Variants in AGBL4 observed in about 807,000 individuals in gnomAD.
AGBL4 encodes cytosolic carboxypeptidase 6.
Under a neutral mutation model 66.4 loss-of-function variants are expected in AGBL4, and 58 were observed. The observed-to-expected ratio is 0.87, with a 90% CI of 0.71 to 1.09. The LOEUF (loss-of-function observed/expected upper bound fraction) is 1.09, where lower values mean the gene tolerates loss of function less well. AGBL4 is among the 50% of genes least tolerant of loss of function. AGBL4 has a pLI of 0.00. For missense variants in AGBL4, 579 were observed against 631.0 expected, an observed-to-expected ratio of 0.92 and a Z score of 0.88; for synonymous variants, 234 against 222.9, an observed-to-expected ratio of 1.05 and a Z score of -0.44.
chr1:49,515,689 C>T (rs1649738520), intron 3 of AGBL4, among the ~76,000 whole-genome samples: 1 of 151,576 alleles, frequency 6.6e-6, no homozygotes, highest in African/African-American at 2.4e-5. Context: ...ACATATACAC[C>T]ATGGAATACT....
intron 3 of AGBL4, among the ~76,000 whole-genome samples, chr1:49,659,236 C>T (rs1187827884): frequency 1.3e-5 from 2 of 152,074 alleles, no homozygotes; most frequent in African/African-American, 2.4e-5. Flanking sequence ...CCAATGACAT[C>T]ATGAAGAAAC....
intron 5 of AGBL4, among the ~76,000 whole-genome samples, chr1:48,971,725 T>C (rs1310170243): frequency 1.3e-5 from 2 of 152,158 alleles, no homozygotes; most frequent in African/African-American, 4.8e-5. Flanking sequence ...TTGGTAGGGA[T>C]GGTTAAAAAG....
At chr1:48,791,677 T>G (rs1361375956) in intron 6 of AGBL4, among the ~76,000 whole-genome samples, 1 of 152,246 alleles carries the variant, frequency 6.6e-6, no homozygotes, top group Non-Finnish European at 1.5e-5. Flanking sequence ...CAGATCTGAC[T>G]AAGTCACTTG....
chr1:49,004,365 G>A (rs965926122), intron 5 of AGBL4, among the ~76,000 whole-genome samples: 1 of 152,172 alleles, frequency 6.6e-6, no homozygotes, highest in East Asian at 1.9e-4. Context: ...GGTATGATAG[G>A]CATATTAAAG....
At chr1:49,872,739 AG>A in intron 1 of AGBL4, among the ~76,000 whole-genome samples, 1 of 152,134 alleles carries the variant, frequency 6.6e-6, no homozygotes, top group East Asian at 1.9e-4. Context: ...TATGCAAATA[AG>A]CCAAGTATAA....
chr1:48,873,709 A>T (rs1011981202), intron 5 of AGBL4, among the ~76,000 whole-genome samples: 2 of 152,120 alleles, frequency 1.3e-5, no homozygotes, highest in African/African-American at 4.8e-5. Context: ...CTTGTCTTCC[A>T]ATAGGCACAC....
intron 2 of AGBL4, among the ~76,000 whole-genome samples, chr1:49,707,556 G>T (rs1048416189): frequency 6.6e-6 from 1 of 151,946 alleles, no homozygotes; most frequent in African/African-American, 2.4e-5. Context: ...ATTTACATTT[G>T]AGGTTAGTAT....
intron 5 of AGBL4, among the ~76,000 whole-genome samples, chr1:48,968,872 G>T (rs1421954533): frequency 6.6e-6 from 1 of 152,094 alleles, no homozygotes; most frequent in Non-Finnish European, 1.5e-5. Flanking sequence ...GAGAAACCAG[G>T]ACTTTGATGT....
intron 3 of AGBL4, among the ~76,000 whole-genome samples, chr1:49,552,886 T>C (rs1281045935): frequency 2.0e-5 from 3 of 152,182 alleles, no homozygotes; most frequent in African/African-American, 4.8e-5. Flanking sequence ...GTATGGCTAC[T>C]CTTAGAATCA....
chr1:48,557,635 G>T (rs1161856088), intron 11 of AGBL4, among the ~76,000 whole-genome samples: 1 of 152,204 alleles, frequency 6.6e-6, no homozygotes, highest in Non-Finnish European at 1.5e-5. Flanking sequence ...CCCCCTTCTG[G>T]GTGGATTCTG....
At position 49,513,958 on chromosome 1, in the gene AGBL4, G is replaced by T. The variant is rs149838760; in HGVS notation, c.282+183355C>A. On this transcript the variant is annotated intron_variant, in intron 3 of 13. Transcript: ENST00000371839. Reference sequence around the variant, plus strand: ...TTTCATGGGCTAAGACTGGCCCCTAGGTATTTTATTCTCTTCGAAGCAATT... The same window carrying T: ...TTTCATGGGCTAAGACTGGCCCCTATGTATTTTATTCTCTTCGAAGCAATT... 3.6e-3 allele frequency among the ~76,000 whole-genome samples: 550 copies of T among 152,038 alleles called. 4 individuals are homozygous for T. Among genetic ancestry groups the T allele is most frequent in the African/African-American group, 0.012 (497 of 41,506 alleles).
chr1:48,687,343 G>C (rs541894320), intron 6 of AGBL4, among the ~76,000 whole-genome samples: 1 of 152,308 alleles, frequency 6.6e-6, no homozygotes, highest in East Asian at 1.9e-4. Context: ...GACAGAGCAG[G>C]GCTGCTTAAT....
At chr1:48,631,065 T>C (rs913839938) in intron 9 of AGBL4, among the ~76,000 whole-genome samples, 2 of 152,116 alleles carry the variant, frequency 1.3e-5, no homozygotes, top group Non-Finnish European at 2.9e-5. Context: ...TGACAGTTGA[T>C]ATTGGAGGGT....
chr1:49,679,570 A>C (rs1211001658), intron 3 of AGBL4, among the ~76,000 whole-genome samples: 1 of 152,128 alleles, frequency 6.6e-6, no homozygotes, highest in African/African-American at 2.4e-5. Context: ...TAATGGAATT[A>C]TGCATATGTT....
intron 3 of AGBL4, among the ~76,000 whole-genome samples, chr1:49,587,600 C>A (rs1204238208): frequency 1.3e-5 from 2 of 152,136 alleles, no homozygotes; most frequent in Admixed American, 1.3e-4. Context: ...AGGCTCTATT[C>A]TTTGTCATTA....
intron 1 of AGBL4, among the ~76,000 whole-genome samples, chr1:50,014,340 C>T: frequency 6.6e-6 from 1 of 151,128 alleles, no homozygotes; most frequent in Non-Finnish European, 1.5e-5. Context: ...TACTGCACTC[C>T]AGCCTGGCCA....
chr1:49,038,075 C>T lies in AGBL4; in HGVS notation c.594+7509G>A, dbSNP rs559595905. On this transcript the variant is annotated intron_variant, in intron 5 of 13. Transcript: ENST00000371839. ...CTTACTCCCCAAACTGATCCTCTTT[C>T]CTGATTTAATTACTCCAATATTGTC... 6.6e-5 allele frequency among the ~76,000 whole-genome samples: 10 copies of T among 152,244 alleles called. No individual in the cohort carries two copies. In the East Asian group the frequency reaches 1.9e-3, roughly 29 times the overall value.
chr1:49,718,866 A>AATTTATTT (rs1456453162), intron 2 of AGBL4, among the ~76,000 whole-genome samples: 1 of 152,096 alleles, frequency 6.6e-6, no homozygotes, highest in East Asian at 1.9e-4. Flanking sequence ...TACATAAAAT[A>AATTTATTT]ATTTATTTTT....
chr1:48,557,617 C>T (rs1392958666), intron 11 of AGBL4, among the ~76,000 whole-genome samples: 1 of 152,196 alleles, frequency 6.6e-6, no homozygotes, highest in African/African-American at 2.4e-5. Flanking sequence ...GAAGCAATGG[C>T]TCTCTAGCCC....
Sources: gnomAD v4.1 joint callset for allele counts (sites outside exome capture counted in the v4.1 genomes callset) on GRCh38, gnomAD v4.1.1 for gene constraint, MANE v1.5 for transcripts, NCBI Gene and HGNC (gene_info 2026-07-23, HGNC 2026-07-21) for gene names.